MYO5B: variants seen among roughly 807,000 people sequenced by gnomAD.
MYO5B encodes unconventional myosin-Vb.
MYO5B carries 143 observed loss-of-function variants against 229.3 expected under a neutral mutation model. The ratio of observed to expected loss-of-function variants is 0.62; its 90% CI spans 0.54 to 0.72. MYO5B has a LOEUF of 0.72. MYO5B is among the 30% of genes least tolerant of loss of function. The pLI, the probability that MYO5B is intolerant of heterozygous loss-of-function variation, is 0.00. For synonymous variants in MYO5B, 918 were observed against 885.2 expected (o/e 1.04, Z -0.66); for missense variants, 2,321 against 2,331.0 (o/e 1.00, Z 0.09).
intron 14 of MYO5B, among the ~76,000 whole-genome samples, chr18:49,938,684 C>T (rs1159993889): frequency 2.6e-5 from 4 of 152,210 alleles, no homozygotes; most frequent in Admixed American, 2.6e-4. Context: ...ATCCCACTCA[C>T]CCCTCTCAGA....
At chr18:50,072,609 C>T (rs528125173) in intron 1 of MYO5B, among the ~76,000 whole-genome samples, 118 of 152,308 alleles carry the variant, frequency 7.7e-4, no homozygotes, top group African/African-American at 2.6e-3. Context: ...TACTCAACAC[C>T]TCATGTGGGC....
intron 14 of MYO5B, among the ~76,000 whole-genome samples, chr18:49,949,521 A>G (rs906034030): frequency 6.6e-6 from 1 of 152,210 alleles, no homozygotes; most frequent in African/African-American, 2.4e-5. Context: ...TTACATTCTC[A>G]TTAACACCCT....
At chr18:50,116,286 G>A (rs1368864323) in intron 1 of MYO5B, among the ~76,000 whole-genome samples, 1 of 152,126 alleles carries the variant, frequency 6.6e-6, no homozygotes, top group East Asian at 1.9e-4. Context: ...TTGAGGGATG[G>A]AGCAGCCTGA....
intron 39 of MYO5B, among the ~76,000 whole-genome samples, chr18:49,828,582 C>T (rs1326176527): frequency 6.6e-6 from 1 of 152,056 alleles, no homozygotes; most frequent in Non-Finnish European, 1.5e-5. Flanking sequence ...CCAATTAGTC[C>T]TAACAAACAC....
intron 1 of MYO5B, among the ~76,000 whole-genome samples, chr18:50,083,841 C>A (rs1345256806): frequency 6.6e-6 from 1 of 152,146 alleles, no homozygotes; most frequent in Non-Finnish European, 1.5e-5. Flanking sequence ...AACTCATTCA[C>A]CCCCAGGCAT....
chr18:50,010,640 C>T (rs1369634061), intron 4 of MYO5B, among the ~76,000 whole-genome samples: 1 of 152,178 alleles, frequency 6.6e-6, no homozygotes, highest in African/African-American at 2.4e-5. Flanking sequence ...ATTCAGAAAG[C>T]TGCAGGTTTA....
intron 1 of MYO5B, among the ~76,000 whole-genome samples, chr18:50,134,985 C>T (rs1325453378): frequency 6.6e-6 from 1 of 152,216 alleles, no homozygotes; most frequent in African/African-American, 2.4e-5. Flanking sequence ...GTTTGTTATA[C>T]AGGCTGATTT....
intron 27 of MYO5B, among the ~76,000 whole-genome samples, chr18:49,869,882 A>G (rs1430696915): frequency 1.3e-5 from 2 of 152,140 alleles, no homozygotes; most frequent in Non-Finnish European, 2.9e-5. Flanking sequence ...TCAGTCCCAC[A>G]TCTACTGCTG....
intron 1 of MYO5B, among the ~76,000 whole-genome samples, chr18:50,175,254 T>C (rs922548076): frequency 9.9e-5 from 15 of 152,196 alleles, no homozygotes; most frequent in Non-Finnish European, 7.3e-5. Flanking sequence ...TCCTCCACCA[T>C]CATGATCATC....
chr18:50,086,730 T>C (rs188693221), intron 1 of MYO5B, among the ~76,000 whole-genome samples: 8 of 152,314 alleles, frequency 5.3e-5, no homozygotes, highest in African/African-American at 1.9e-4. Flanking sequence ...GATCTTCATG[T>C]CTGGAGCTCA....
At chr18:49,996,681 T>C (rs1292242601) in intron 5 of MYO5B, among the ~76,000 whole-genome samples, 2 of 152,188 alleles carry the variant, frequency 1.3e-5, no homozygotes, top group South Asian at 2.1e-4. Flanking sequence ...ATGTATCAAG[T>C]AGTATGAAAA....
intron 5 of MYO5B, among the ~76,000 whole-genome samples, chr18:49,999,772 C>T (rs926204785): frequency 6.6e-6 from 1 of 152,316 alleles, no homozygotes; most frequent in South Asian, 2.1e-4. Context: ...GCGAGAAATG[C>T]AAATTTGGGG....
intron 21 of MYO5B, among the ~76,000 whole-genome samples, chr18:49,901,659 G>A (rs2024842912): frequency 6.6e-6 from 1 of 152,190 alleles, no homozygotes; most frequent in Non-Finnish European, 1.5e-5. Context: ...CAACTTTTAA[G>A]CAGAAGAACT....
At chr18:49,995,373 G>A (rs1004498398) in intron 5 of MYO5B, among the ~76,000 whole-genome samples, 1 of 150,282 alleles carries the variant, frequency 6.7e-6, no homozygotes, top group Non-Finnish European at 1.5e-5. Context: ...TCCTGCCTCA[G>A]CCTCCCAAGT....
In MYO5B at chr18:49,988,254, T is replaced by C. The variant is rs373431418; in HGVS notation, c.838+2185A>G. Reference sequence around the variant, plus strand: ...TATTTGCTGTTTTCAGCTACTCGACTAGGGTTATTAGTGGACCTAAATGCC... The same window carrying C: ...TATTTGCTGTTTTCAGCTACTCGACCAGGGTTATTAGTGGACCTAAATGCC... On this transcript the variant is annotated intron_variant, in intron 7 of 39. Transcript: ENST00000285039. 8.5e-5 allele frequency among the ~76,000 whole-genome samples: 13 copies of C among 152,216 alleles called. 1 individual carries two copies. In the East Asian group the frequency reaches 2.1e-3, roughly 25 times the overall value.
intron 1 of MYO5B, among the ~76,000 whole-genome samples, chr18:50,159,306 C>T (rs888687879): frequency 1.3e-5 from 2 of 152,142 alleles, no homozygotes; most frequent in Admixed American, 1.3e-4. Context: ...ATGCTTTCCT[C>T]TACTTTCTAA....
chr18:49,989,976 A>G (rs1183729185), intron 7 of MYO5B, among the ~76,000 whole-genome samples: 4 of 152,110 alleles, frequency 2.6e-5, no homozygotes, highest in Non-Finnish European at 5.9e-5. Flanking sequence ...CTGCATCCAT[A>G]TGGCTCTAGA....
In MYO5B at chr18:49,825,165, A is replaced by G. The variant is rs1218941044; in HGVS notation, c.*1306T>C. ...ACAGCATACTGCTATCAAGAAATAC[A>G]GAAAAGACAGTAAAAAAAAGTGTGG... On this transcript the variant is annotated 3_prime_UTR_variant, in exon 40 of 40. Coordinates refer to ENST00000285039, the MANE Select transcript of MYO5B (RefSeq NM_001080467.3). 6.6e-6 allele frequency: 1 copy of G among 152,260 alleles called. No individual in the cohort carries two copies. Among genetic ancestry groups the G allele is most frequent in the East Asian group, 1.9e-4 (1 of 5,198 alleles). The allele number at this position is 152,260 out of a possible 1,614,324, so 9.4% of individuals were successfully genotyped here.
chr18:50,180,576 T>C (rs948270370), intron 1 of MYO5B, among the ~76,000 whole-genome samples: 1 of 152,224 alleles, frequency 6.6e-6, no homozygotes, highest in African/African-American at 2.4e-5. Context: ...ATTGTCATCT[T>C]TTTAAATGTA....
Sources: gnomAD v4.1 joint callset for allele counts (sites outside exome capture counted in the v4.1 genomes callset) on GRCh38, gnomAD v4.1.1 for gene constraint, MANE v1.5 for transcripts, NCBI Gene and HGNC (gene_info 2026-07-23, HGNC 2026-07-21) for gene names.